SNX29: variants seen among roughly 807,000 people sequenced by gnomAD.
The protein encoded by SNX29 is sorting nexin-29.
SNX29 carries 78 observed loss-of-function variants against 102.1 expected under a neutral mutation model. The observed-to-expected ratio is 0.76, with a 90% confidence interval of 0.64 to 0.92. The LOEUF (loss-of-function observed/expected upper bound fraction) is 0.92, where lower values mean the gene tolerates loss of function less well. SNX29 is among the 40% of genes least tolerant of loss of function. The probability of loss-of-function intolerance (pLI) is 0.00; values close to 1 mark genes in which losing one functional copy is unlikely to be tolerated. For missense variants in SNX29, 1,280 were observed against 1,061.7 expected (o/e 1.21, Z -2.86); for synonymous variants, 580 against 414.5 (o/e 1.40, Z -4.85).
At chr16:12,168,805 A>G (rs2076077091) in intron 13 of SNX29, among the ~76,000 whole-genome samples, 1 of 152,220 alleles carries the variant, frequency 6.6e-6, no homozygotes, top group African/African-American at 2.4e-5. Flanking sequence ...TTTGCCCTCT[A>G]GAGAGCTCCT....
chr16:11,992,521 C>G (rs1016963689), intron 1 of SNX29, among the ~76,000 whole-genome samples: 13 of 151,272 alleles, frequency 8.6e-5, no homozygotes, highest in African/African-American at 3.2e-4. Context: ...TGCCTTCTGT[C>G]TCTATGAATT....
chr16:12,540,063 C>A (rs1029155045), intron 20 of SNX29, among the ~76,000 whole-genome samples: 5 of 152,178 alleles, frequency 3.3e-5, no homozygotes, highest in Non-Finnish European at 4.4e-5. Context: ...CCAGATCATG[C>A]TTTTGGTGTC....
In SNX29 at chr16:12,570,847, C is replaced by T. The variant is rs532345420; in HGVS notation, c.*2218C>T. ...AAGTATGCTCTCAGCTGGTATTGAA[C>T]TGGTGGGAGAAACTGCCTCCTACTT... is the stretch of plus-strand genomic sequence containing the variant. On this transcript the variant is annotated 3_prime_UTR_variant, in exon 21 of 21. Coordinates refer to ENST00000566228, the MANE Select transcript of SNX29 (RefSeq NM_032167.5). 1 of 231,984 alleles carries T rather than the reference C, an allele frequency of 4.3e-6. No individual in the cohort carries two copies. The highest frequency in any genetic ancestry group is 8.5e-6 in the Non-Finnish European group (1 of 117,376). 14.4% of individuals were successfully genotyped at this position (231,984 alleles called of 1,614,324 possible).
At chr16:12,341,870 T>C (rs893537973) in intron 15 of SNX29, among the ~76,000 whole-genome samples, 1 of 152,234 alleles carries the variant, frequency 6.6e-6, no homozygotes, top group Admixed American at 6.5e-5. Context: ...GACCCACTTG[T>C]TGTCTTCATG....
At chr16:12,272,993 G>T (rs1348904545) in intron 14 of SNX29, among the ~76,000 whole-genome samples, 1 of 152,202 alleles carries the variant, frequency 6.6e-6, no homozygotes, top group Non-Finnish European at 1.5e-5. Flanking sequence ...TCAGTATTCA[G>T]TGATTACATT....
chr16:12,540,464 A>T lies in SNX29; in HGVS notation c.2318+15623A>T, dbSNP rs545150128. On this transcript the variant is annotated intron_variant, in intron 20 of 20. Coordinates refer to ENST00000566228, the MANE Select transcript of SNX29 (RefSeq NM_032167.5). ...AGGCCAGAAGTCCGAGATCCGTCTT[A>T]CTAGGCTACAGTCAAGGTGTCGGCA... Among the ~76,000 whole-genome samples the T allele has an allele frequency of 5.3e-5, 8 of 152,374 alleles. No individual in the cohort carries two copies. The South Asian group carries it at 1.4e-3, about 28-fold the overall frequency.
intron 18 of SNX29, among the ~76,000 whole-genome samples, chr16:12,476,399 TATATATATATATAC>T (rs1480254453): frequency 0.02 from 324 of 16,268 alleles, 15 homozygotes; most frequent in African/African-American, 0.07. Context: ...TATATATATA[TATATATATATATAC>T]ATATATATAT....
chr16:12,006,969 ATAGCC>A (rs2056476169), intron 3 of SNX29, among the ~76,000 whole-genome samples: 1 of 152,214 alleles, frequency 6.6e-6, no homozygotes, highest in Non-Finnish European at 1.5e-5. Context: ...GCAAAATGCC[ATAGCC>A]TACGTTAGAC....
At chr16:12,020,899 C>G (rs144694292) in intron 3 of SNX29, among the ~76,000 whole-genome samples, 2 of 152,104 alleles carry the variant, frequency 1.3e-5, no homozygotes, top group African/African-American at 4.8e-5. Context: ...GCTGGGATTA[C>G]AGGCGTGAGC....
chr16:12,298,120 T>G (rs1302077515), intron 15 of SNX29, among the ~76,000 whole-genome samples: 1 of 152,128 alleles, frequency 6.6e-6, no homozygotes, highest in Non-Finnish European at 1.5e-5. Flanking sequence ...CAGTGAGCTG[T>G]GATTGTGCCA....
chr16:12,553,190 C>T (rs190377825), intron 20 of SNX29, among the ~76,000 whole-genome samples: 1 of 152,168 alleles, frequency 6.6e-6, no homozygotes, highest in Non-Finnish European at 1.5e-5. Flanking sequence ...CAGTATACAG[C>T]TGCAGTTATT....
chr16:12,105,990 T>TC (rs1293651864), intron 11 of SNX29, among the ~76,000 whole-genome samples: 1 of 152,114 alleles, frequency 6.6e-6, no homozygotes, highest in East Asian at 1.9e-4. Flanking sequence ...TCTGTACTAA[T>TC]CCATCTTCAT....
At chr16:12,005,659 A>G (rs1036118846) in intron 3 of SNX29, among the ~76,000 whole-genome samples, 1 of 152,182 alleles carries the variant, frequency 6.6e-6, no homozygotes, top group Non-Finnish European at 1.5e-5. Flanking sequence ...CCTGCTCTGA[A>G]TGTTGGGTTA....
At chr16:12,566,595 A>G (rs1598111323) in intron 20 of SNX29, among the ~76,000 whole-genome samples, 1 of 152,194 alleles carries the variant, frequency 6.6e-6, no homozygotes, top group African/African-American at 2.4e-5. Context: ...GCCTTCCTGT[A>G]TCTAAGAATC....
intron 19 of SNX29, among the ~76,000 whole-genome samples, chr16:12,494,879 A>C (rs999467541): frequency 3.3e-5 from 5 of 152,178 alleles, no homozygotes; most frequent in Non-Finnish European, 7.3e-5. Flanking sequence ...GCCCTGCTTC[A>C]CATCAGTGGC....
intron 11 of SNX29, among the ~76,000 whole-genome samples, chr16:12,116,603 G>A (rs150999106): frequency 0.018 from 2,728 of 152,288 alleles, 32 homozygotes; most frequent in Non-Finnish European, 0.026. Flanking sequence ...GAACCCGGGA[G>A]GCAGAGGTTG....
chr16:12,488,207 C>G (rs1459804281), intron 19 of SNX29, among the ~76,000 whole-genome samples: 1 of 152,076 alleles, frequency 6.6e-6, no homozygotes, highest in Non-Finnish European at 1.5e-5. Context: ...ATTTGCTGTT[C>G]TGTTCCCATC....
At chr16:12,206,749 AAAT>A (rs1253671673) in intron 14 of SNX29, among the ~76,000 whole-genome samples, 1 of 150,476 alleles carries the variant, frequency 6.6e-6, no homozygotes, top group African/African-American at 2.4e-5. Context: ...GTCACCTGGG[AAAT>A]TTTTAAAAAT....
intron 14 of SNX29, among the ~76,000 whole-genome samples, chr16:12,227,899 TAAAAAAAAAAAAAAAAAAA>T (rs59381762): frequency 2.8e-5 from 2 of 71,570 alleles, no homozygotes; most frequent in East Asian, 1.0e-3. Context: ...GACTCTGTCT[TAAAAAAAAAAAAAAAAAAA>T]AAAAAAAAGA....
Sources: allele counts gnomAD v4.1 joint callset (sites outside exome capture counted in the v4.1 genomes callset), GRCh38; gene constraint gnomAD v4.1.1; transcripts MANE v1.5; gene names NCBI Gene and HGNC (gene_info 2026-07-23, HGNC 2026-07-21).